The following STPG2 variants were observed in gnomAD, a reference collection of about 807,000 sequenced individuals.
The protein encoded by STPG2 is sperm tail PG-rich repeat containing 2, also known as sperm-tail PG-rich repeat-containing protein 2.
STPG2 carries 56 observed loss-of-function variants against 54.2 expected under a neutral mutation model. The ratio of observed to expected loss-of-function variants is 1.03; its 90% confidence interval spans 0.83 to 1.29. The LOEUF is 1.29. STPG2 is among the 50% of genes most tolerant of loss of function. The pLI, the probability that STPG2 is intolerant of heterozygous loss-of-function variation, is 0.00. For missense variants in STPG2, 596 were observed against 544.9 expected, an observed-to-expected ratio of 1.09 and a Z score of -0.93; for synonymous variants, 200 against 181.8, an observed-to-expected ratio of 1.10 and a Z score of -0.81.
intron 9 of STPG2, among the ~76,000 whole-genome samples, chr4:97,776,239 A>C (rs1379301654): frequency 1.3e-5 from 2 of 152,234 alleles, no homozygotes; most frequent in Non-Finnish European, 2.9e-5. Context: ...ACATTATTAT[A>C]AGTTAAACCT....
chr4:98,110,506 C>T (rs923844925), intron 3 of STPG2, among the ~76,000 whole-genome samples: 1 of 152,082 alleles, frequency 6.6e-6, no homozygotes, highest in Non-Finnish European at 1.5e-5. Flanking sequence ...TGCTAGAAAG[C>T]CACTGAGCAT....
chr4:98,032,403 T>C (rs1046518904), intron 5 of STPG2, among the ~76,000 whole-genome samples: 14 of 151,966 alleles, frequency 9.2e-5, no homozygotes, highest in Non-Finnish European at 1.6e-4. Flanking sequence ...ACCCAATAAC[T>C]TATGAAAAAA....
At chr4:98,125,022 C>T (rs541224922) in intron 3 of STPG2, among the ~76,000 whole-genome samples, 1 of 152,304 alleles carries the variant, frequency 6.6e-6, no homozygotes, top group South Asian at 2.1e-4. Context: ...TTTTCAGCTC[C>T]ATCAAGGTGT....
intron 9 of STPG2, among the ~76,000 whole-genome samples, chr4:97,721,888 A>G (rs1432525917): frequency 6.6e-6 from 1 of 152,062 alleles, no homozygotes; most frequent in Non-Finnish European, 1.5e-5. Context: ...TTTAAAACAT[A>G]TATCACTGCA....
chr4:97,652,960 A>AT (rs1481956268), intron 10 of STPG2, among the ~76,000 whole-genome samples: 3 of 152,112 alleles, frequency 2.0e-5, no homozygotes, highest in East Asian at 3.9e-4. Flanking sequence ...GTGATTCCTC[A>AT]TATACCTTTA....
At chr4:97,617,631 T>C (rs2148920969) in intron 10 of STPG2, among the ~76,000 whole-genome samples, 1 of 152,178 alleles carries the variant, frequency 6.6e-6, no homozygotes, top group South Asian at 2.1e-4. Context: ...TCTCACTAAG[T>C]GAAGAACCAG....
At chr4:98,015,699 A>G (rs913792143) in intron 5 of STPG2, among the ~76,000 whole-genome samples, 2 of 152,236 alleles carry the variant, frequency 1.3e-5, no homozygotes, top group Non-Finnish European at 2.9e-5. Flanking sequence ...CAGCAATTCC[A>G]TTACTGGGTA....
intron 10 of STPG2, among the ~76,000 whole-genome samples, chr4:97,622,748 GA>G (rs1734044273): frequency 6.6e-6 from 1 of 151,892 alleles, no homozygotes; most frequent in Admixed American, 6.6e-5. Context: ...ATTGTTTACA[GA>G]ATTTTTTAAA....
intron 5 of STPG2, among the ~76,000 whole-genome samples, chr4:97,998,988 C>A (rs986553365): frequency 2.7e-5 from 4 of 148,778 alleles, no homozygotes; most frequent in African/African-American, 1.0e-4. Context: ...ATATTCTTAA[C>A]TTTAATGCTC....
chr4:97,588,692 T>C (rs1733060762), intron 10 of STPG2, among the ~76,000 whole-genome samples: 1 of 152,084 alleles, frequency 6.6e-6, no homozygotes, highest in Non-Finnish European at 1.5e-5. Flanking sequence ...TTGACAGGGA[T>C]ATCCCTTTTG....
At chr4:97,689,485 G>A (rs910954727) in intron 10 of STPG2, among the ~76,000 whole-genome samples, 2 of 151,984 alleles carry the variant, frequency 1.3e-5, no homozygotes, top group Non-Finnish European at 2.9e-5. Flanking sequence ...TGATACTTGC[G>A]ATTTTGTATA....
chr4:97,667,000 C>T (rs990608783), intron 10 of STPG2, among the ~76,000 whole-genome samples: 5 of 152,180 alleles, frequency 3.3e-5, no homozygotes, highest in African/African-American at 1.2e-4. Flanking sequence ...CCACCACCAC[C>T]ATCATCACTA....
At chr4:97,612,178 A>T (rs1733746517) in intron 10 of STPG2, among the ~76,000 whole-genome samples, 1 of 151,718 alleles carries the variant, frequency 6.6e-6, no homozygotes, top group Non-Finnish European at 1.5e-5. Context: ...TAAGAATGGC[A>T]TCATTATTTA....
intron 9 of STPG2, among the ~76,000 whole-genome samples, chr4:97,754,697 C>A (rs755447902): frequency 6.6e-6 from 1 of 152,038 alleles, no homozygotes; most frequent in African/African-American, 2.4e-5. Flanking sequence ...CAATTTCTCT[C>A]TTCTCACCCC....
intron 4 of STPG2, among the ~76,000 whole-genome samples, chr4:97,485,254 G>T (rs190353011): frequency 3.3e-4 from 50 of 151,928 alleles, no homozygotes; most frequent in Admixed American, 7.2e-4. Flanking sequence ...AATCAGCGAA[G>T]AGGAAGTCAA....
At chr4:97,920,729 C>T (rs897206523) in intron 8 of STPG2, among the ~76,000 whole-genome samples, 4 of 152,144 alleles carry the variant, frequency 2.6e-5, no homozygotes, top group Non-Finnish European at 4.4e-5. Flanking sequence ...GGACCATAGA[C>T]GTGAGAAGTA....
intron 8 of STPG2, among the ~76,000 whole-genome samples, chr4:97,901,548 T>C (rs938651439): frequency 6.6e-6 from 1 of 151,888 alleles, no homozygotes; most frequent in African/African-American, 2.4e-5. Context: ...AAACTATTTG[T>C]TAAAGACATT....
chr4:97,906,448 C>A (rs140573426), intron 8 of STPG2, among the ~76,000 whole-genome samples: 24,636 of 152,040 alleles, frequency 0.16, 2,158 homozygotes, highest in East Asian at 0.36. Flanking sequence ...CAAGGAGGAG[C>A]TGGTACCATT....
At chr4:97,493,956 T>C (rs559950279) in intron 4 of STPG2, among the ~76,000 whole-genome samples, 3 of 151,530 alleles carry the variant, frequency 2.0e-5, no homozygotes, top group Non-Finnish European at 4.4e-5. Flanking sequence ...TAAACAGATT[T>C]AACAAGGTGC....
Sources: gnomAD v4.1 joint callset for allele counts (sites outside exome capture counted in the v4.1 genomes callset) on GRCh38, gnomAD v4.1.1 for gene constraint, MANE v1.5 for transcripts, NCBI Gene and HGNC (gene_info 2026-07-23, HGNC 2026-07-21) for gene names.